KALRN: variants seen among roughly 807,000 people sequenced by gnomAD.
The protein encoded by KALRN is kalirin RhoGEF kinase.
Under a neutral mutation model 353.7 loss-of-function variants are expected in KALRN, and 70 were observed. That is an observed-to-expected ratio of 0.20 (90% confidence interval 0.16 to 0.24). The LOEUF (loss-of-function observed/expected upper bound fraction) is 0.24. Among genes scored for constraint, KALRN ranks in the 10% least tolerant of loss-of-function variants. The probability of loss-of-function intolerance (pLI) is 1.00; values close to 1 mark genes in which losing one functional copy is unlikely to be tolerated. For missense variants in KALRN, 2,791 were observed against 3,756.7 expected (o/e 0.74, Z 6.72); for synonymous variants, 1,391 against 1,434.8 (o/e 0.97, Z 0.69).
intron 33 of KALRN, among the ~76,000 whole-genome samples, chr3:124,558,339 A>C (rs2071536118): frequency 6.6e-6 from 1 of 151,922 alleles, no homozygotes; most frequent in African/African-American, 2.4e-5. Context: ...GTGCAATGGC[A>C]TGATCTCGGC....
At chr3:124,230,334 A>G (rs2148518398) in intron 2 of KALRN, among the ~76,000 whole-genome samples, 1 of 152,254 alleles carries the variant, frequency 6.6e-6, no homozygotes, top group African/African-American at 2.4e-5. Flanking sequence ...TTCCAGAGTC[A>G]GTTTCTACTT....
At chr3:124,247,985 G>T (rs1047561003) in intron 3 of KALRN, among the ~76,000 whole-genome samples, 1 of 152,162 alleles carries the variant, frequency 6.6e-6, no homozygotes, top group African/African-American at 2.4e-5. Flanking sequence ...CAAAAGTCCA[G>T]CATTACCTAA....
chr3:124,123,557 G>C (rs903091115), intron 1 of KALRN, among the ~76,000 whole-genome samples: 1 of 152,212 alleles, frequency 6.6e-6, no homozygotes, highest in South Asian at 2.1e-4. Flanking sequence ...AATGCAAGAT[G>C]AAGCAGCAAG....
At chr3:124,286,135 C>CTTTCTTTCT (rs752421001) in intron 5 of KALRN, among the ~76,000 whole-genome samples, 1 of 119,440 alleles carries the variant, frequency 8.4e-6, no homozygotes, top group African/African-American at 3.1e-5. Flanking sequence ...TTCTTTCTTT[C>CTTTCTTTCT]TTTCCTTTCT....
intron 9 of KALRN, among the ~76,000 whole-genome samples, chr3:124,340,273 G>C (rs2081557150): frequency 6.6e-6 from 1 of 152,154 alleles, no homozygotes; most frequent in African/African-American, 2.4e-5. Flanking sequence ...TGTAATACTA[G>C]CACTTTGGGA....
chr3:124,404,985 G>A (rs371890647), intron 13 of KALRN, among the ~76,000 whole-genome samples: 4 of 152,140 alleles, frequency 2.6e-5, no homozygotes, highest in Non-Finnish European at 4.4e-5. Context: ...AAGAAGCTAA[G>A]ATCTATTTGA....
chr3:124,199,792 A>G (rs147527839), intron 1 of KALRN, among the ~76,000 whole-genome samples: 1 of 152,278 alleles, frequency 6.6e-6, no homozygotes, highest in Non-Finnish European at 1.5e-5. Context: ...GAGAATGTCA[A>G]GATCTGTTTC....
intron 10 of KALRN, among the ~76,000 whole-genome samples, chr3:124,363,781 C>A (rs966583607): frequency 2.0e-5 from 3 of 152,200 alleles, no homozygotes; most frequent in African/African-American, 7.2e-5. Context: ...AGCCAGGAAA[C>A]TTTCCACATT....
intron 37 of KALRN, among the ~76,000 whole-genome samples, chr3:124,649,795 A>ATAGC (rs1284301278): frequency 7.1e-6 from 1 of 140,740 alleles, no homozygotes; most frequent in Non-Finnish European, 1.6e-5. Flanking sequence ...CTCAAAATAG[A>ATAGC]TAGATAGATA....
chr3:124,555,559 T>TA, intron 33 of KALRN, among the ~76,000 whole-genome samples: 1 of 152,256 alleles, frequency 6.6e-6, no homozygotes, highest in South Asian at 2.1e-4. Context: ...GGTTTAGGAA[T>TA]TCATGGAGAT....
intron 1 of KALRN, among the ~76,000 whole-genome samples, chr3:124,076,703 T>G (rs2060276678): frequency 6.6e-6 from 1 of 152,196 alleles, no homozygotes; most frequent in Non-Finnish European, 1.5e-5. Flanking sequence ...AAGATCATAA[T>G]GACCCATGTA....
rs186213118 is a variant in KALRN, at chr3:124,146,602, G to C, written c.74-81388G>C. ...ATGTTAAAAAGGGAGTAAGGGCCAG[G>C]CTCAGTGTCTCACGCCTGTAATCCC... is the stretch of plus-strand genomic sequence containing the variant. On this transcript the variant is annotated intron_variant, in intron 1 of 59. Transcript: ENST00000682506. Among the ~76,000 whole-genome samples, 206 of 152,212 alleles carry C rather than the reference G, an allele frequency of 1.4e-3. 1 individual carries two copies. The highest frequency in any genetic ancestry group is 4.9e-3 in the African/African-American group (202 of 41,540).
At chr3:124,604,500 G>A (rs2077124724) in intron 34 of KALRN, among the ~76,000 whole-genome samples, 1 of 152,134 alleles carries the variant, frequency 6.6e-6, no homozygotes, top group Admixed American at 6.6e-5. Flanking sequence ...TTTGGGAAAC[G>A]AAGGTTGGAG....
Position 124,236,758 on chromosome 3 carries a change from C to G in KALRN, c.263+1815C>G, listed in dbSNP as rs75006050. On this transcript the variant is annotated intron_variant, in intron 3 of 59. Transcript: ENST00000682506. ...CCGCTGGGGTGAAGGGGAACAAAAC[C>G]CAAGAGGGGCTGAGAGGAAGGTCAT... Among the ~76,000 whole-genome samples, 5 of 152,168 alleles carry G rather than the reference C, an allele frequency of 3.3e-5. No individual in the cohort carries two copies. The East Asian group carries it at 7.7e-4, about 24-fold the overall frequency.
chr3:124,245,988 C>T (rs772286757), intron 3 of KALRN, among the ~76,000 whole-genome samples: 15 of 152,264 alleles, frequency 9.9e-5, no homozygotes, highest in Non-Finnish European at 1.8e-4. Context: ...GCTTATTTCA[C>T]TTAACATAAT....
intron 34 of KALRN, among the ~76,000 whole-genome samples, chr3:124,630,542 A>G (rs1175514431): frequency 6.6e-6 from 1 of 152,122 alleles, no homozygotes; most frequent in African/African-American, 2.4e-5. Context: ...GATTGCAGGC[A>G]TGAGGCACCA....
chr3:124,580,479 C>T (rs777768766), intron 34 of KALRN, among the ~76,000 whole-genome samples: 1 of 152,202 alleles, frequency 6.6e-6, no homozygotes, highest in Admixed American at 6.5e-5. Flanking sequence ...TGATTCTTAT[C>T]AGCACCAATG....
intron 44 of KALRN, 119 bp downstream of exon 44, chr3:124,661,092 A>T: frequency 1.3e-6 from 1 of 771,486 alleles, no homozygotes. Flanking sequence ...CTCAGACAGT[A>T]AGAGGCTCTT....
chr3:124,446,919 C>T (rs1433426410), intron 21 of KALRN, 34 bp downstream of exon 21: 7 of 1,605,282 alleles, frequency 4.4e-6, no homozygotes, highest in South Asian at 1.1e-5. Flanking sequence ...CCCAGATCCA[C>T]CCAGAACTCT....
Sources: gnomAD v4.1 joint callset for allele counts (sites outside exome capture counted in the v4.1 genomes callset) on GRCh38, gnomAD v4.1.1 for gene constraint, MANE v1.5 for transcripts, NCBI Gene and HGNC (gene_info 2026-07-23, HGNC 2026-07-21) for gene names.